The following RBFOX1 variants were observed in gnomAD, a reference collection of about 807,000 sequenced individuals.
The protein encoded by RBFOX1 is RNA binding fox-1 homolog 1.
In RBFOX1, 8 loss-of-function variants were observed where a neutral mutation model predicts 57.7. The ratio of observed to expected loss-of-function variants is 0.14; its 90% CI spans 0.08 to 0.25. RBFOX1 has a LOEUF of 0.25. Among genes scored for constraint, RBFOX1 ranks in the 10% least tolerant of loss-of-function variants. The pLI, the probability that RBFOX1 is intolerant of heterozygous loss-of-function variation, is 1.00. For missense variants in RBFOX1, 611 were observed against 548.5 expected (o/e 1.11, Z -1.14); for synonymous variants, 326 against 222.4 (o/e 1.47, Z -4.15).
intron 3 of RBFOX1, among the ~76,000 whole-genome samples, chr16:6,800,772 G>A (rs1283184862): frequency 1.3e-5 from 2 of 152,120 alleles, no homozygotes; most frequent in Non-Finnish European, 2.9e-5. Context: ...GAAAGCAGTA[G>A]ATGACAAAGT....
intron 3 of RBFOX1, among the ~76,000 whole-genome samples, chr16:5,611,728 A>ATCCATCCATCCATCCATCCC (rs2047805730): frequency 1.4e-5 from 2 of 140,938 alleles, no homozygotes; most frequent in Non-Finnish European, 3.1e-5. Context: ...CTATCCATCC[A>ATCCATCCATCCATCCATCCC]TCCATCCATC....
intron 2 of RBFOX1, among the ~76,000 whole-genome samples, chr16:6,492,024 G>C (rs761432489): frequency 6.6e-6 from 1 of 152,134 alleles, no homozygotes; most frequent in Non-Finnish European, 1.5e-5. Context: ...TAGATGAGTA[G>C]ACATATAGAC....
At chr16:7,034,180 G>C (rs533577022) in intron 3 of RBFOX1, among the ~76,000 whole-genome samples, 43 of 152,250 alleles carry the variant, frequency 2.8e-4, no homozygotes, top group Non-Finnish European at 5.3e-4. Flanking sequence ...GCCTGGGTTT[G>C]ACTCCTGGCT....
chr16:5,656,701 C>T (rs963935267), intron 3 of RBFOX1, among the ~76,000 whole-genome samples: 10 of 152,216 alleles, frequency 6.6e-5, no homozygotes, highest in African/African-American at 1.9e-4. Flanking sequence ...GTCTTCTCTT[C>T]ATCCATACCC....
chr16:5,474,995 C>G (rs2069271221), intron 2 of RBFOX1, among the ~76,000 whole-genome samples: 4 of 152,160 alleles, frequency 2.6e-5, no homozygotes, highest in African/African-American at 7.2e-5. Context: ...ATTCTCCATT[C>G]TTTCTTTGGT....
At chr16:7,577,764 T>C (rs1212529956) in intron 5 of RBFOX1, among the ~76,000 whole-genome samples, 1 of 152,184 alleles carries the variant, frequency 6.6e-6, no homozygotes, top group Non-Finnish European at 1.5e-5. Context: ...CTGGGTATAA[T>C]GGCTCATGCC....
At position 6,922,544 on chromosome 16, in the gene RBFOX1, T is replaced by G. The variant is rs1460385286; in HGVS notation, c.-15-129513T>G. On this transcript the variant is annotated intron_variant, in intron 3 of 15. Coordinates refer to ENST00000550418, the MANE Select transcript of RBFOX1 (RefSeq NM_018723.4). ...AATCTTTTATTTTCCTGCGTCTGTG[T>G]TTTCATTTCCAGGAGACAGTTGGCT... Among the ~76,000 whole-genome samples, 7 of 152,228 alleles carry G rather than the reference T, an allele frequency of 4.6e-5. 1 individual carries two copies. Among genetic ancestry groups the G allele is most frequent in the Admixed American group, 4.6e-4 (7 of 15,282 alleles).
intron 14 of RBFOX1, among the ~76,000 whole-genome samples, chr16:7,702,093 A>G (rs758630685): frequency 2.2e-4 from 33 of 152,198 alleles, no homozygotes; most frequent in Admixed American, 8.5e-4. Context: ...AATCTTGGCC[A>G]TAATTACCCC....
In RBFOX1 at chr16:7,029,079, TATACAC is replaced by T. The variant is rs1192333363; in HGVS notation, c.-15-22976_-15-22971del. Among the ~76,000 whole-genome samples, 137 of 36,892 alleles carry T rather than the reference TATACAC, an allele frequency of 3.7e-3. 1 individual carries two copies. Among genetic ancestry groups the T allele is most frequent in the Admixed American group, 5.1e-3 (14 of 2,722 alleles). The allele number at this position is 36,892 out of a possible 152,430, so 24.2% of individuals were successfully genotyped here. On this transcript the variant is annotated intron_variant, in intron 3 of 15. Transcript: ENST00000550418. The stretch of plus-strand genomic sequence containing the variant: ...ATATATATATATATATATATATATA[TATACAC>T]ACACACACACACACACACACACACA...
At chr16:6,741,717 G>T (rs2072202321) in intron 3 of RBFOX1, among the ~76,000 whole-genome samples, 1 of 151,314 alleles carries the variant, frequency 6.6e-6, no homozygotes. Context: ...ATCCTGTTAA[G>T]ATATTGGAAA....
intron 4 of RBFOX1, among the ~76,000 whole-genome samples, chr16:7,431,544 G>A (rs565634249): frequency 1.1e-4 from 17 of 152,224 alleles, no homozygotes; most frequent in Admixed American, 3.9e-4. Flanking sequence ...CACTGTGCCC[G>A]GCTTAATATG....
chr16:6,596,908 C>G (rs923666799), intron 2 of RBFOX1, among the ~76,000 whole-genome samples: 2 of 152,280 alleles, frequency 1.3e-5, no homozygotes, highest in Admixed American at 6.5e-5. Flanking sequence ...ACCCTTGATA[C>G]ATTCATACAC....
chr16:7,507,782 C>A (rs2073855343), intron 4 of RBFOX1, among the ~76,000 whole-genome samples: 1 of 152,008 alleles, frequency 6.6e-6, no homozygotes, highest in Non-Finnish European at 1.5e-5. Flanking sequence ...CCAGGACGGT[C>A]TCGATGTCCT....
intron 1 of RBFOX1, among the ~76,000 whole-genome samples, chr16:6,215,478 GA>G (rs1459065184): frequency 6.6e-6 from 1 of 151,968 alleles, no homozygotes; most frequent in African/African-American, 2.4e-5. Context: ...GGGAGAGGGA[GA>G]GAAGGAGACA....
intron 3 of RBFOX1, among the ~76,000 whole-genome samples, chr16:5,763,219 T>C (rs2053648227): frequency 6.6e-6 from 1 of 152,040 alleles, no homozygotes; most frequent in Non-Finnish European, 1.5e-5. Context: ...CTTTAAGCTT[T>C]TTCAATTGCA....
intron 3 of RBFOX1, among the ~76,000 whole-genome samples, chr16:5,694,139 A>G (rs538397376): frequency 1.1e-4 from 17 of 152,272 alleles, no homozygotes; most frequent in Non-Finnish European, 1.8e-4. Context: ...GGGAATGAAC[A>G]TTGTGCTAAA....
chr16:6,936,159 T>C (rs573264128), intron 3 of RBFOX1, among the ~76,000 whole-genome samples: 1 of 152,314 alleles, frequency 6.6e-6, no homozygotes, highest in African/African-American at 2.4e-5. Context: ...CTTAATTTGG[T>C]GTGTTGCAGT....
intron 3 of RBFOX1, among the ~76,000 whole-genome samples, chr16:7,023,109 G>T (rs1311306955): frequency 6.6e-6 from 1 of 152,162 alleles, no homozygotes; most frequent in Admixed American, 6.5e-5. Flanking sequence ...ACTGAGGTAG[G>T]AGAGAGCTGA....
chr16:6,166,654 GA>G (rs2096919736), intron 1 of RBFOX1, among the ~76,000 whole-genome samples: 2 of 152,144 alleles, frequency 1.3e-5, no homozygotes, highest in African/African-American at 4.8e-5. Context: ...GCCGGTCCCT[GA>G]ATAAGGACAG....
Sources: gnomAD v4.1 joint callset for allele counts (sites outside exome capture counted in the v4.1 genomes callset) on GRCh38, gnomAD v4.1.1 for gene constraint, MANE v1.5 for transcripts, NCBI Gene and HGNC (gene_info 2026-07-23, HGNC 2026-07-21) for gene names.